Variants in SYCP1 observed in about 807,000 individuals in gnomAD.
SYCP1 encodes synaptonemal complex protein 1.
SYCP1 carries 64 observed loss-of-function variants against 153.1 expected under a neutral mutation model. That is an observed-to-expected ratio of 0.42 (90% CI 0.34 to 0.51). The LOEUF (loss-of-function observed/expected upper bound fraction) is 0.51. SYCP1 is among the 20% of genes least tolerant of loss of function. SYCP1 has a pLI of 0.06. For missense variants in SYCP1, 997 were observed against 1,049.0 expected, an observed-to-expected ratio of 0.95 and a Z score of 0.68; for synonymous variants, 384 against 341.8, an observed-to-expected ratio of 1.12 and a Z score of -1.36.
At chr1:114,901,329 A>G (rs1667434107) in intron 16 of SYCP1, among the ~76,000 whole-genome samples, 1 of 152,242 alleles carries the variant, frequency 6.6e-6, no homozygotes, top group South Asian at 2.1e-4. Context: ...ATAGAGCTAT[A>G]ACTTGGATAT....
intron 20 of SYCP1, among the ~76,000 whole-genome samples, chr1:114,921,903 C>T (rs1436122396): frequency 1.3e-5 from 2 of 152,078 alleles, no homozygotes; most frequent in Non-Finnish European, 2.9e-5. Context: ...AGGATATTTT[C>T]ACTGGATATA....
At chr1:114,856,099 TA>T (rs986673066) in intron 2 of SYCP1, among the ~76,000 whole-genome samples, 12 of 152,256 alleles carry the variant, frequency 7.9e-5, no homozygotes, top group Non-Finnish European at 1.5e-4. Flanking sequence ...AAAAATTAAT[TA>T]AAAAAATTTA....
chr1:114,891,296 C>CTATTAT (rs1666688617), intron 15 of SYCP1, among the ~76,000 whole-genome samples: 1 of 152,168 alleles, frequency 6.6e-6, no homozygotes, highest in Admixed American at 6.5e-5. Flanking sequence ...CGTCTTTGAC[C>CTATTAT]AGTGCTATTA....
At chr1:114,956,217 C>T (rs1671423725) in intron 27 of SYCP1, among the ~76,000 whole-genome samples, 1 of 152,108 alleles carries the variant, frequency 6.6e-6, no homozygotes, top group South Asian at 2.1e-4. Flanking sequence ...ATGGGCTCTC[C>T]AGCCTGTGTC....
chr1:114,922,507 G>A (rs1306970659), intron 20 of SYCP1, among the ~76,000 whole-genome samples: 1 of 152,106 alleles, frequency 6.6e-6, no homozygotes, highest in African/African-American at 2.4e-5. Flanking sequence ...AAAAGCAGGA[G>A]CAAGAGTGGT....
At chr1:114,901,291 A>G (rs544586133) in intron 16 of SYCP1, among the ~76,000 whole-genome samples, 20 of 152,346 alleles carry the variant, frequency 1.3e-4, no homozygotes, top group Middle Eastern at 3.4e-3. Flanking sequence ...ACAAGGTCCA[A>G]TAAAAGGAAA....
chr1:114,859,420 A>G (rs1664232005), intron 6 of SYCP1, among the ~76,000 whole-genome samples: 1 of 152,224 alleles, frequency 6.6e-6, no homozygotes, highest in African/African-American at 2.4e-5. Context: ...GCATAAAGTG[A>G]AAAAAATGTT....
chr1:114,903,862 T>C (rs945406178), intron 16 of SYCP1, among the ~76,000 whole-genome samples: 7 of 152,158 alleles, frequency 4.6e-5, no homozygotes, highest in African/African-American at 1.7e-4. Context: ...CTCCATTGAA[T>C]TGCTTTTGCA....
rs181305749 is a variant in SYCP1 at position 114,910,486 on chromosome 1, T to C, written c.1410T>C (p.Leu470=). Residue 470 remains leucine (L), a synonymous_variant, in exon 17 of 32, where the codon CTT becomes CTC. Transcript: ENST00000369522. ...LKGTEQELIG[L]LQAREKEVHD... is the part of the protein sequence containing the mutation. Reference sequence around the variant, plus strand: ...GAACAGAACAAGAACTAATTGGTCTTCTCCAAGCCAGAGAGGTTTGTTTAA... The same window carrying C: ...GAACAGAACAAGAACTAATTGGTCTCCTCCAAGCCAGAGAGGTTTGTTTAA... The C allele has an allele frequency of 4.4e-6, 7 of 1,578,876 alleles. No homozygotes were observed. Among genetic ancestry groups the C allele is most frequent in the East Asian group, 2.3e-5 (1 of 42,994 alleles).
intron 13 of SYCP1, 143 bp from the exon 14 acceptor site, chr1:114,885,982 G>A (rs1023672012): frequency 3.7e-6 from 2 of 533,986 alleles, no homozygotes; most frequent in Non-Finnish European, 6.4e-6. Flanking sequence ...AGTAGTGGGT[G>A]GGCATTCCAG....
At chr1:114,903,378 A>G (rs938277611) in intron 16 of SYCP1, among the ~76,000 whole-genome samples, 6 of 152,228 alleles carry the variant, frequency 3.9e-5, no homozygotes, top group African/African-American at 1.4e-4. Flanking sequence ...GATGAGGCCT[A>G]TGATAAAAGG....
At chr1:114,993,711 A>G (rs1291442638) in intron 30 of SYCP1, among the ~76,000 whole-genome samples, 1 of 151,466 alleles carries the variant, frequency 6.6e-6, no homozygotes, top group Admixed American at 6.6e-5. Context: ...CATTATATTT[A>G]TTTCTTATTT....
intron 27 of SYCP1, among the ~76,000 whole-genome samples, chr1:114,962,731 A>AT (rs531325749): frequency 2.6e-5 from 4 of 151,480 alleles, no homozygotes; most frequent in African/African-American, 9.7e-5. Context: ...GAATACCTTG[A>AT]TTTTTTTTCA....
intron 15 of SYCP1, 33 bp from the exon 16 acceptor site, chr1:114,895,415 C>A: frequency 7.3e-7 from 1 of 1,373,674 alleles, no homozygotes; most frequent in Non-Finnish European, 9.9e-7. Flanking sequence ...TTTAATCCAG[C>A]TTTTTAACAC....
intron 23 of SYCP1, among the ~76,000 whole-genome samples, chr1:114,936,070 G>A (rs1427062658): frequency 6.6e-6 from 1 of 152,154 alleles, no homozygotes; most frequent in Non-Finnish European, 1.5e-5. Flanking sequence ...GCATCATCCT[G>A]ATACCAAAGG....
chr1:114,971,177 TG>T (rs1266574362), intron 27 of SYCP1, among the ~76,000 whole-genome samples: 1 of 152,180 alleles, frequency 6.6e-6, no homozygotes, highest in Non-Finnish European at 1.5e-5. Flanking sequence ...CATGAATTTA[TG>T]TCTTTTGTCT....
intron 27 of SYCP1, among the ~76,000 whole-genome samples, chr1:114,965,451 T>G (rs1672054984): frequency 6.6e-6 from 1 of 152,218 alleles, no homozygotes; most frequent in Non-Finnish European, 1.5e-5. Context: ...TCAAAGGGAA[T>G]ACTTCCAGGT....
At chr1:114,892,425 C>T (rs541086147) in intron 15 of SYCP1, among the ~76,000 whole-genome samples, 1 of 152,132 alleles carries the variant, frequency 6.6e-6, no homozygotes, top group Admixed American at 6.5e-5. Context: ...GCTTCAGCCC[C>T]AGGCATCAGC....
chr1:114,855,443 A>C lies in SYCP1; in HGVS notation c.-22A>C. ...CTCCCGCCCCCCCGGGGCAGTAGAT[A>C]TTTACAACCGTAACAGAGAAAATGG... On this transcript the variant is annotated splice_region_variant and 5_prime_UTR_variant, in exon 2 of 32. Coordinates refer to ENST00000369522, the MANE Select transcript of SYCP1 (RefSeq NM_003176.4). 6.3e-7 allele frequency: 1 copy of C among 1,597,754 alleles called. No individual in the cohort carries two copies. The highest frequency in any genetic ancestry group is 8.5e-7 in the Non-Finnish European group (1 of 1,169,742).
Sources: gnomAD v4.1 joint callset for allele counts (sites outside exome capture counted in the v4.1 genomes callset) on GRCh38, gnomAD v4.1.1 for gene constraint, MANE v1.5 for transcripts, NCBI Gene and HGNC (gene_info 2026-07-23, HGNC 2026-07-21) for gene names.